Variants in CMTR1 observed in about 807,000 individuals in gnomAD.
CMTR1 encodes cap methyltransferase 1.
Under a neutral mutation model 107.0 loss-of-function variants are expected in CMTR1, and 39 were observed. That is an observed-to-expected ratio of 0.36 (90% confidence interval 0.28 to 0.48). The LOEUF (loss-of-function observed/expected upper bound fraction) is 0.48, where lower values mean the gene tolerates loss of function less well. Among genes scored for constraint, CMTR1 ranks in the 20% least tolerant of loss-of-function variants. CMTR1 has a pLI of 0.99. For synonymous variants in CMTR1, 366 were observed against 379.5 expected (o/e 0.96, Z 0.41); for missense variants, 672 against 1,064.9 (o/e 0.63, Z 5.14).
the CMTR1 span, among the ~76,000 whole-genome samples, chr6:37,424,008 G>A: frequency 1.3e-5 from 2 of 152,170 alleles, no homozygotes; most frequent in Non-Finnish European, 1.5e-5. Context: ...CTGGCAAAGA[G>A]AAGAGAAGAC....
chr6:37,441,849 C>T (rs1034413576), intron 2 of CMTR1, among the ~76,000 whole-genome samples: 2 of 152,188 alleles, frequency 1.3e-5, no homozygotes, highest in African/African-American at 4.8e-5. Context: ...CTGAGTGGCA[C>T]TCTCTGGCAC....
chr6:37,454,353 T>C (rs1342777071), intron 8 of CMTR1, among the ~76,000 whole-genome samples: 1 of 152,220 alleles, frequency 6.6e-6, no homozygotes, highest in Non-Finnish European at 1.5e-5. Context: ...CTCCAGCCAT[T>C]ACTCATTTTT....
chr6:37,460,135 A>G (rs553916150), intron 10 of CMTR1, among the ~76,000 whole-genome samples: 2 of 152,344 alleles, frequency 1.3e-5, no homozygotes, highest in Non-Finnish European at 2.9e-5. Context: ...TAATCTGACA[A>G]TGCAGGCATT....
intron 8 of CMTR1, among the ~76,000 whole-genome samples, chr6:37,456,404 C>G (rs1255709315): frequency 1.3e-5 from 2 of 152,180 alleles, no homozygotes; most frequent in African/African-American, 2.4e-5. Context: ...CCCAGCATGC[C>G]TGGAGTGGGC....
chr6:37,453,215 A>G, intron 7 of CMTR1, 25 bp from the exon 8 acceptor site: 1 of 1,613,640 alleles, frequency 6.2e-7, no homozygotes, highest in Non-Finnish European at 8.5e-7. Context: ...TACATCTAGT[A>G]CTTTTCTGTC....
chr6:37,476,347 G>A (rs1581755043), intron 20 of CMTR1, among the ~76,000 whole-genome samples, 153 bp downstream of exon 20: 1 of 152,132 alleles, frequency 6.6e-6, no homozygotes, highest in Non-Finnish European at 1.5e-5. Flanking sequence ...GGGGGTGCTA[G>A]GTAGGTGACT....
At chr6:37,434,791 T>TA (rs927352172) in intron 1 of CMTR1, among the ~76,000 whole-genome samples, 3 of 152,162 alleles carry the variant, frequency 2.0e-5, no homozygotes, top group Admixed American at 1.3e-4. Flanking sequence ...GTGTTTTTTT[T>TA]ACTAGAGATG....
rs1283922217 is a variant in CMTR1 at position 37,480,331 on chromosome 6, T to C, written c.*186T>C. On this transcript the variant is annotated 3_prime_UTR_variant, in exon 24 of 24. Transcript: ENST00000373451. ...TCAGGCAGGGCCCTGCAGAGAACACTCATGTTCCTTCTGGGACACCTGCCT... is the reference window on the plus strand; with the variant it reads ...TCAGGCAGGGCCCTGCAGAGAACACCCATGTTCCTTCTGGGACACCTGCCT... The C allele has an allele frequency of 5.1e-6, 7 of 1,381,486 alleles. No individual in the cohort carries two copies. The highest frequency in any genetic ancestry group is 6.5e-6 in the Non-Finnish European group (7 of 1,079,854). 85.6% of individuals were successfully genotyped at this position (1,381,486 alleles called of 1,614,324 possible).
At chr6:37,431,766 C>T (rs1052443670), upstream of CMTR1, among the ~76,000 whole-genome samples, 8 of 152,144 alleles carry the variant, frequency 5.3e-5, no homozygotes, top group Admixed American at 5.2e-4. Context: ...AGAGGAGAAG[C>T]ATGATCCAGG....
At chr6:37,425,722 T>C in the CMTR1 span, among the ~76,000 whole-genome samples, 1 of 152,176 alleles carries the variant, frequency 6.6e-6, no homozygotes, top group East Asian at 1.9e-4. Context: ...AGATTCTCTC[T>C]TTGTCTTTCT....
intron 4 of CMTR1, among the ~76,000 whole-genome samples, chr6:37,448,890 C>T (rs1771867907): frequency 6.6e-6 from 1 of 152,192 alleles, no homozygotes; most frequent in Admixed American, 6.5e-5. Flanking sequence ...TCACTTCAGA[C>T]CAGCAGAATC....
At chr6:37,466,309 C>G (rs977066305) in intron 13 of CMTR1, among the ~76,000 whole-genome samples, 1 of 151,922 alleles carries the variant, frequency 6.6e-6, no homozygotes, top group African/African-American at 2.4e-5. Flanking sequence ...GATGGAGTTT[C>G]ACCATGTTGG....
In CMTR1 at chr6:37,477,580, C is replaced by T. The variant is rs749434994; in HGVS notation, c.2106-12C>T. On this transcript the variant is annotated splice_polypyrimidine_tract_variant and intron_variant, in intron 20 of 23. Transcript: ENST00000373451. ...GGAAGCCTTTGTCTTGTCTCTGTCCCTCTACCTGCAGGGTGAAGGAGGTGT... is the reference window on the plus strand; with the variant it reads ...GGAAGCCTTTGTCTTGTCTCTGTCCTTCTACCTGCAGGGTGAAGGAGGTGT... 5.0e-6 allele frequency: 8 copies of T among 1,613,224 alleles called. No individual in the cohort carries two copies. The highest frequency in any genetic ancestry group is 6.8e-6 in the Non-Finnish European group (8 of 1,179,294).
At chr6:37,473,251 T>G (rs1472424467) in intron 16 of CMTR1, among the ~76,000 whole-genome samples, 1 of 152,152 alleles carries the variant, frequency 6.6e-6, no homozygotes, top group Non-Finnish European at 1.5e-5. Flanking sequence ...TCTTTCCTTT[T>G]CCAGCCTCTC....
intron 2 of CMTR1, among the ~76,000 whole-genome samples, chr6:37,438,448 C>T (rs1483796201): frequency 6.6e-6 from 1 of 152,124 alleles, no homozygotes; most frequent in African/African-American, 2.4e-5. Flanking sequence ...CAAGAGGCCA[C>T]TTCGTCCTTT....
rs1046556855 is a variant in CMTR1, at chr6:37,481,036, T to C, written c.*891T>C. 1.5e-6 allele frequency: 2 copies of C among 1,304,084 alleles called. No homozygotes were observed. The highest frequency in any genetic ancestry group is 1.5e-5 in the African/African-American group (1 of 65,876). The allele number at this position is 1,304,084 out of a possible 1,614,324, so 80.8% of individuals were successfully genotyped here. On this transcript the variant is annotated 3_prime_UTR_variant, in exon 24 of 24. Transcript: ENST00000373451. ...GGCAGTCATGCACCGCTGTCTGCCATAGCCGCTCTAGGGTCTTGGCAGAAT... is the reference window on the plus strand; with the variant it reads ...GGCAGTCATGCACCGCTGTCTGCCACAGCCGCTCTAGGGTCTTGGCAGAAT...
chr6:37,433,583 A>G (rs1321341329), intron 1 of CMTR1, among the ~76,000 whole-genome samples: 2 of 152,112 alleles, frequency 1.3e-5, no homozygotes, highest in Non-Finnish European at 2.9e-5. Flanking sequence ...CTGCGCACAC[A>G]TTCACACGCT....
intron 18 of CMTR1, 116 bp from the exon 19 acceptor site, chr6:37,475,205 A>G (rs1375768100): frequency 5.1e-6 from 4 of 791,206 alleles, no homozygotes; most frequent in Non-Finnish European, 8.7e-6. Context: ...TCCTGCATTT[A>G]GAGCCCTACC....
chr6:37,475,717 G>A (rs1235951642), intron 19 of CMTR1: 3 of 510,914 alleles, frequency 5.9e-6, no homozygotes, highest in Non-Finnish European at 1.1e-5. Context: ...GGGTAGAGGG[G>A]GTACTCCTTG....
Sources: gnomAD v4.1 joint callset for allele counts (sites outside exome capture counted in the v4.1 genomes callset) on GRCh38, gnomAD v4.1.1 for gene constraint, MANE v1.5 for transcripts, NCBI Gene and HGNC (gene_info 2026-07-23, HGNC 2026-07-21) for gene names.